Variants in GFOD2 observed in about 807,000 individuals in gnomAD.
GFOD2 encodes the protein glucose-fructose oxidoreductase domain-containing protein 2.
In GFOD2, 9 loss-of-function variants were observed where a neutral mutation model predicts 24.6. The observed-to-expected ratio is 0.37, with a 90% CI of 0.22 to 0.64. The LOEUF (loss-of-function observed/expected upper bound fraction) is 0.64. Among genes scored for constraint, GFOD2 ranks in the 30% least tolerant of loss-of-function variants. The probability of loss-of-function intolerance (pLI) is 0.65; values close to 1 mark genes in which losing one functional copy is unlikely to be tolerated. For synonymous variants in GFOD2, 211 were observed against 224.8 expected, an observed-to-expected ratio of 0.94 and a Z score of 0.55; for missense variants, 476 against 532.5, an observed-to-expected ratio of 0.89 and a Z score of 1.04.
At chr16:67,694,597 G>C (rs1006586827) in intron 1 of GFOD2, among the ~76,000 whole-genome samples, 2 of 152,120 alleles carry the variant, frequency 1.3e-5, no homozygotes, top group Non-Finnish European at 2.9e-5. Flanking sequence ...ACCACGGCTG[G>C]AGAAATTGTT....
At chr16:67,717,936 G>A (rs2053518457) in intron 1 of GFOD2, among the ~76,000 whole-genome samples, 1 of 152,242 alleles carries the variant, frequency 6.6e-6, no homozygotes, top group African/African-American at 2.4e-5. Flanking sequence ...AGAACCGTCT[G>A]TTGAAAATTT....
rs182055134 is a variant in GFOD2 at position 67,679,382 on chromosome 16, T to C, written c.260-3329A>G. 5.5e-3 allele frequency among the ~76,000 whole-genome samples: 836 copies of C among 151,818 alleles called. 7 individuals carry two copies. Among genetic ancestry groups the C allele is most frequent in the African/African-American group, 0.02 (816 of 41,418 alleles). On this transcript the variant is annotated intron_variant, in intron 2 of 2. Coordinates refer to ENST00000268797, the MANE Select transcript of GFOD2 (RefSeq NM_030819.4). ...TGAGCTAGCTGGGATTACAGGAGCC[T>C]GCCACCATGCCCAGCTAAGTTTTTT...
intron 1 of GFOD2, among the ~76,000 whole-genome samples, chr16:67,699,213 G>C (rs1393808017): frequency 6.6e-6 from 1 of 151,928 alleles, no homozygotes; most frequent in Non-Finnish European, 1.5e-5. Flanking sequence ...GTGATGGTGG[G>C]TACCTGTAGT....
chr16:67,703,976 G>A lies in GFOD2; in HGVS notation c.-88+15187C>T, dbSNP rs539117003. On this transcript the variant is annotated intron_variant, in intron 1 of 2. Coordinates refer to ENST00000268797, the MANE Select transcript of GFOD2 (RefSeq NM_030819.4). ...CTATGTCTGGCTGATTTCACTCAGC[G>A]TAATGTCCTCAAGGTTCATCCATGT... is the stretch of plus-strand genomic sequence containing the variant. Among the ~76,000 whole-genome samples, 100 of 152,258 alleles carry A rather than the reference G, an allele frequency of 6.6e-4. 1 individual carries two copies. The highest frequency in any genetic ancestry group is 2.6e-4 in the Non-Finnish European group (18 of 68,020).
intron 2 of GFOD2, chr16:67,683,341 C>T (rs1000608425): frequency 1.6e-6 from 2 of 1,222,126 alleles, no homozygotes; most frequent in African/African-American, 1.6e-5. Context: ...AGGAAGAAGA[C>T]TGAGAGCCTC....
chr16:67,699,686 G>A (rs2053386722), intron 1 of GFOD2, among the ~76,000 whole-genome samples: 1 of 151,992 alleles, frequency 6.6e-6, no homozygotes. Flanking sequence ...GTTTTGCCAT[G>A]TTGGCCAGGC....
intron 2 of GFOD2, chr16:67,680,308 G>A (rs117705890): frequency 0.03 from 4,495 of 152,350 alleles, 99 homozygotes; most frequent in Middle Eastern, 0.16. Context: ...GGCTAGGGTG[G>A]AAGAATCACT....
chr16:67,695,988 T>C (rs1217952582), intron 1 of GFOD2, among the ~76,000 whole-genome samples: 7 of 151,966 alleles, frequency 4.6e-5, no homozygotes, highest in South Asian at 2.1e-4. Context: ...ATATAGGGAA[T>C]GTATGTATCC....
At chr16:67,679,671 G>A (rs1028486192) in intron 2 of GFOD2, among the ~76,000 whole-genome samples, 3 of 151,800 alleles carry the variant, frequency 2.0e-5, no homozygotes, top group Non-Finnish European at 4.4e-5. Context: ...GGTGGATCAC[G>A]AGGTCAGGGG....
At chr16:67,719,133 C>T (rs2053526851) in intron 1 of GFOD2, 30 bp downstream of exon 1, 1 of 152,370 alleles carries the variant, frequency 6.6e-6, no homozygotes, top group Admixed American at 6.5e-5. Context: ...CCTCTTTCGC[C>T]CTCACCCGCC....
intron 1 of GFOD2, among the ~76,000 whole-genome samples, 150 bp downstream of exon 1, chr16:67,719,012 GC>G: frequency 6.6e-6 from 1 of 152,192 alleles, no homozygotes; most frequent in Admixed American, 6.5e-5. Flanking sequence ...GCGCCTGCAG[GC>G]AGTTGGAACA....
intron 2 of GFOD2, among the ~76,000 whole-genome samples, chr16:67,678,712 TAC>T (rs2053202250): frequency 6.6e-6 from 1 of 152,154 alleles, no homozygotes; most frequent in Non-Finnish European, 1.5e-5. Flanking sequence ...AGCAGGATTT[TAC>T]AGTTACAGGG....
At chr16:67,689,773 C>T (rs2053297442) in intron 1 of GFOD2, among the ~76,000 whole-genome samples, 1 of 152,138 alleles carries the variant, frequency 6.6e-6, no homozygotes, top group African/African-American at 2.4e-5. Flanking sequence ...ACTCTTTTCA[C>T]CTTGCAAAAC....
chr16:67,705,590 C>T (rs1023025861), intron 1 of GFOD2, among the ~76,000 whole-genome samples: 1 of 152,132 alleles, frequency 6.6e-6, no homozygotes, highest in African/African-American at 2.4e-5. Flanking sequence ...GCTAGCTCTT[C>T]AGAAATTTAT....
intron 1 of GFOD2, among the ~76,000 whole-genome samples, chr16:67,699,158 T>C (rs1192185479): frequency 6.6e-6 from 1 of 151,836 alleles, no homozygotes; most frequent in Admixed American, 6.6e-5. Flanking sequence ...CTGGCTGACA[T>C]GGTGAAACCC....
At chr16:67,691,382 A>AT (rs1314381787) in intron 1 of GFOD2, among the ~76,000 whole-genome samples, 6 of 151,248 alleles carry the variant, frequency 4.0e-5, no homozygotes, top group Non-Finnish European at 8.8e-5. Context: ...TAATTTTTGC[A>AT]TTTTTTGTAG....
intron 1 of GFOD2, among the ~76,000 whole-genome samples, chr16:67,690,318 G>A (rs1277516112): frequency 6.6e-6 from 1 of 151,848 alleles, no homozygotes; most frequent in African/African-American, 2.4e-5. Context: ...ATTTCTCCAC[G>A]TCCTCACCAA....
At chr16:67,692,871 A>G (rs1382374750) in intron 1 of GFOD2, among the ~76,000 whole-genome samples, 2 of 151,584 alleles carry the variant, frequency 1.3e-5, no homozygotes, top group African/African-American at 4.8e-5. Context: ...CTAAAAATAC[A>G]AAAACAAAAT....
At chr16:67,718,426 G>T (rs1330314303) in intron 1 of GFOD2, among the ~76,000 whole-genome samples, 1 of 152,148 alleles carries the variant, frequency 6.6e-6, no homozygotes, top group African/African-American at 2.4e-5. Context: ...TCTTTAGATC[G>T]TGCTGTAGTC....
Sources: allele counts gnomAD v4.1 joint callset (sites outside exome capture counted in the v4.1 genomes callset), GRCh38; gene constraint gnomAD v4.1.1; transcripts MANE v1.5; gene names NCBI Gene and HGNC (gene_info 2026-07-23, HGNC 2026-07-21).